OR51E2: variants seen among roughly 807,000 people sequenced by gnomAD.
OR51E2 encodes olfactory receptor family 51 subfamily E member 2, also known as olfactory receptor 51E2.
Under a neutral mutation model 13.7 loss-of-function variants are expected in OR51E2, and 14 were observed. The observed-to-expected ratio is 1.02, with a 90% CI of 0.68 to 1.60. The LOEUF (loss-of-function observed/expected upper bound fraction) is 1.60. Among genes scored for constraint, OR51E2 ranks in the 40% most tolerant of loss-of-function variants. The pLI is 0.00. For synonymous variants in OR51E2, 180 were observed against 157.6 expected (o/e 1.14, Z -1.07); for missense variants, 483 against 413.8 (o/e 1.17, Z -1.45).
chr11:4,690,168 C>T (rs1847560064), intron 1 of OR51E2, among the ~76,000 whole-genome samples: 2 of 151,302 alleles, frequency 1.3e-5, no homozygotes, highest in Non-Finnish European at 2.9e-5. Flanking sequence ...TGTGCTCTGC[C>T]ATCAGCAACA....
At chr11:4,696,951 A>G (rs1847662994) in intron 1 of OR51E2, among the ~76,000 whole-genome samples, 1 of 152,214 alleles carries the variant, frequency 6.6e-6, no homozygotes, top group African/African-American at 2.4e-5. Flanking sequence ...TACACCATTA[A>G]TAAAAATATT....
rs755299731 is a variant in OR51E2, at chr11:4,682,015, G to A, written c.697C>T (p.Arg233Trp). The stretch of plus-strand genomic sequence containing the variant: ...ACACAGGTTCCAAAGGCCTTGGCCC[G>A]CTCTGACTTGGAAGGCAGTTGCAGA... ...TVLQLPSKSE[R>W]AKAFGTCVSH... Residue 233 changes from arginine to tryptophan, a missense_variant, in exon 2 of 2, where the codon CGG becomes TGG. Transcript: ENST00000396950. 1.1e-5 allele frequency: 18 copies of A among 1,614,114 alleles called. No homozygotes were observed. The highest frequency in any genetic ancestry group is 6.7e-5 in the African/African-American group (5 of 74,936).
intron 1 of OR51E2, among the ~76,000 whole-genome samples, chr11:4,692,870 G>A (rs1423936466): frequency 1.3e-5 from 2 of 151,466 alleles, no homozygotes; most frequent in East Asian, 3.9e-4. Flanking sequence ...AAGGGGGGGT[G>A]GGGGTGTGAT....
intron 1 of OR51E2, among the ~76,000 whole-genome samples, chr11:4,694,236 A>G (rs1343455029): frequency 6.6e-6 from 1 of 152,024 alleles, no homozygotes; most frequent in Non-Finnish European, 1.5e-5. Context: ...AAGAGATCAT[A>G]AACAAAACAA....
Position 4,682,553 on chromosome 11 carries a change from G to T in OR51E2, c.159C>A (p.Ser53Arg). ...IVVFIVRTER[S>R]LHAPMYLFLC... ...GAAAGAGGTACATCGGAGCGTGCAG[G>T]CTGCGTTCCGTCCTTACGATGAAGA... The change falls in exon 2 of 2, where the codon AGC (serine) becomes AGA (arginine). Residue 53 changes from serine (S) to arginine (R), a missense_variant. Ser to Arg is a moderately radical substitution (Grantham distance 110, BLOSUM62 -1). Coordinates refer to ENST00000396950, the MANE Select transcript of OR51E2 (RefSeq NM_030774.4). The T allele has an allele frequency of 6.2e-7, 1 of 1,614,054 alleles. No individual in the cohort carries two copies. The highest frequency in any genetic ancestry group is 8.5e-7 in the Non-Finnish European group (1 of 1,179,958).
At chr11:4,686,626 C>G (rs923579059) in intron 1 of OR51E2, among the ~76,000 whole-genome samples, 4 of 152,180 alleles carry the variant, frequency 2.6e-5, no homozygotes, top group African/African-American at 9.7e-5. Context: ...ATTTCCTCAT[C>G]CTTCACATCC....
At chr11:4,687,481 G>C (rs1023531231) in intron 1 of OR51E2, among the ~76,000 whole-genome samples, 2 of 152,194 alleles carry the variant, frequency 1.3e-5, no homozygotes, top group African/African-American at 4.8e-5. Flanking sequence ...ACTTGGCACA[G>C]TATTCTCCAA....
At chr11:4,683,316 G>T (rs72865877) in intron 1 of OR51E2, among the ~76,000 whole-genome samples, 16,806 of 152,188 alleles carry the variant, frequency 0.11, 1,226 homozygotes, top group Non-Finnish European at 0.16. Flanking sequence ...GTGAGGATAG[G>T]AGATAACTTT....
chr11:4,683,908 T>C (rs967171067), intron 1 of OR51E2, among the ~76,000 whole-genome samples: 3 of 152,354 alleles, frequency 2.0e-5, no homozygotes, highest in African/African-American at 7.2e-5. Context: ...TGGAAACAAA[T>C]GATGCAGTGT....
chr11:4,696,884 G>A (rs1164202378), intron 1 of OR51E2, among the ~76,000 whole-genome samples: 2 of 152,152 alleles, frequency 1.3e-5, no homozygotes, highest in Non-Finnish European at 2.9e-5. Flanking sequence ...TGGCTATCAT[G>A]TGTGACTGAC....
At chr11:4,695,968 A>G (rs1164920281) in intron 1 of OR51E2, among the ~76,000 whole-genome samples, 2 of 152,120 alleles carry the variant, frequency 1.3e-5, no homozygotes, top group South Asian at 4.1e-4. Flanking sequence ...TAAATCTGCA[A>G]TCTAATTATG....
chr11:4,691,470 GATA>G (rs1244782744), intron 1 of OR51E2: 1 of 456,468 alleles, frequency 2.2e-6, no homozygotes, highest in East Asian at 6.9e-5. Context: ...GACCAGAGTG[GATA>G]TGGACAGGCC....
intron 1 of OR51E2, among the ~76,000 whole-genome samples, chr11:4,689,795 A>G (rs1253371370): frequency 2.0e-5 from 3 of 152,082 alleles, no homozygotes; most frequent in African/African-American, 7.2e-5. Flanking sequence ...TGCTTGAGTC[A>G]GGAAAGATCA....
In OR51E2 at chr11:4,680,329, C is replaced by G. The variant is rs966739025; in HGVS notation, c.*1420G>C. ...ATAGACAACAACATTCTCCCTGAAT[C>G]TGGAAAAAAGCAAGCAATAAGATCA... On this transcript the variant is annotated 3_prime_UTR_variant, in exon 2 of 2. Coordinates refer to ENST00000396950, the MANE Select transcript of OR51E2 (RefSeq NM_030774.4). The G allele has an allele frequency of 6.6e-6, 1 of 152,226 alleles. No individual in the cohort carries two copies. The highest frequency in any genetic ancestry group is 2.4e-5 in the African/African-American group (1 of 41,430). 9.4% of individuals were successfully genotyped at this position (152,226 alleles called of 1,614,324 possible). A position where few individuals can be genotyped will look rare whatever the true frequency, so the allele number is the denominator to read the frequency against.
intron 1 of OR51E2, among the ~76,000 whole-genome samples, chr11:4,687,544 A>G (rs1278732987): frequency 6.6e-6 from 1 of 152,230 alleles, no homozygotes; most frequent in African/African-American, 2.4e-5. Flanking sequence ...TTTCTGGTAT[A>G]AAAGAACTTT....
intron 1 of OR51E2, among the ~76,000 whole-genome samples, chr11:4,686,388 G>A (rs1470069324): frequency 6.6e-6 from 1 of 152,188 alleles, no homozygotes; most frequent in Admixed American, 6.5e-5. Context: ...AAAAAGGAAA[G>A]AGAAACTGGA....
intron 1 of OR51E2, chr11:4,691,231 G>A (rs1260953998): frequency 2.2e-6 from 1 of 456,784 alleles, no homozygotes; most frequent in African/African-American, 2.0e-5. Context: ...ATTGGTGTCA[G>A]CATTAGGAGC....
chr11:4,683,045 CT>C (rs1417459493), intron 1 of OR51E2, among the ~76,000 whole-genome samples: 2 of 152,072 alleles, frequency 1.3e-5, no homozygotes, highest in Non-Finnish European at 1.5e-5. Context: ...TTTGTTGGCC[CT>C]TTTTTTTCTG....
intron 1 of OR51E2, among the ~76,000 whole-genome samples, chr11:4,688,665 G>A (rs1469126803): frequency 6.6e-6 from 1 of 152,136 alleles, no homozygotes; most frequent in East Asian, 1.9e-4. Flanking sequence ...AAACGTGGAT[G>A]AAGGAAGGAC....
Sources: allele counts gnomAD v4.1 joint callset (sites outside exome capture counted in the v4.1 genomes callset), GRCh38; gene constraint gnomAD v4.1.1; transcripts MANE v1.5; gene names NCBI Gene and HGNC (gene_info 2026-07-23, HGNC 2026-07-21).